The following DRAM1 variants were observed in gnomAD, a reference collection of about 807,000 sequenced individuals.
The protein encoded by DRAM1 is DNA damage regulated autophagy modulator 1.
Under a neutral mutation model 28.5 loss-of-function variants are expected in DRAM1, and 25 were observed. That is an observed-to-expected ratio of 0.88 (90% confidence interval 0.64 to 1.23). The LOEUF is 1.23. Among genes scored for constraint, DRAM1 ranks in the 50% most tolerant of loss-of-function variants. The pLI is 0.00. For missense variants in DRAM1, 249 were observed against 299.2 expected (o/e 0.83, Z 1.24); for synonymous variants, 113 against 114.2 (o/e 0.99, Z 0.07).
At chr12:101,917,129 G>T (rs1167549756) in intron 5 of DRAM1, among the ~76,000 whole-genome samples, 2 of 152,210 alleles carry the variant, frequency 1.3e-5, no homozygotes, top group African/African-American at 4.8e-5. Context: ...TTGTCAAAAA[G>T]TAGTTTCAGT....
At chr12:101,912,658 C>T (rs4764845) in intron 4 of DRAM1, among the ~76,000 whole-genome samples, 37,005 of 151,418 alleles carry the variant, frequency 0.24, 4,691 homozygotes, top group Middle Eastern at 0.38. Flanking sequence ...GCACAATTTG[C>T]GGGGGGTTGG....
At chr12:101,896,312 C>T (rs1873371592) in intron 1 of DRAM1, among the ~76,000 whole-genome samples, 4 of 152,338 alleles carry the variant, frequency 2.6e-5, no homozygotes, top group African/African-American at 4.8e-5. Flanking sequence ...TCATTTTCAA[C>T]GTGATCGGTT....
rs1874527334 is a variant in DRAM1, at chr12:101,922,650, C to T, written c.*1390C>T. ...TATGTTATTAGAACATGTCCGACAC[C>T]CCTACCGCTGCCATTTGGGCCCTTT... is the stretch of plus-strand genomic sequence containing the variant. On this transcript the variant is annotated 3_prime_UTR_variant, in exon 7 of 7. Coordinates refer to ENST00000258534, the MANE Select transcript of DRAM1 (RefSeq NM_018370.3). 1.3e-5 allele frequency: 2 copies of T among 152,184 alleles called. No homozygotes were observed. Among genetic ancestry groups the T allele is most frequent in the Non-Finnish European group, 1.5e-5 (1 of 68,044 alleles). The allele number at this position is 152,184 out of a possible 1,614,324, so 9.4% of individuals were successfully genotyped here.
chr12:101,888,387 T>C (rs1361530865), intron 1 of DRAM1, among the ~76,000 whole-genome samples: 1 of 152,136 alleles, frequency 6.6e-6, no homozygotes, highest in Non-Finnish European at 1.5e-5. Flanking sequence ...CACCTCAGCC[T>C]CCCGAAGTGC....
intron 3 of DRAM1, among the ~76,000 whole-genome samples, chr12:101,906,962 TGGCACA>T (rs1873839062): frequency 6.6e-6 from 1 of 151,746 alleles, no homozygotes; most frequent in Non-Finnish European, 1.5e-5. Context: ...CTGCCTAGAC[TGGCACA>T]GGGGCTGCCT....
chr12:101,897,204 T>C (rs1020519888), intron 1 of DRAM1, among the ~76,000 whole-genome samples: 13 of 94,752 alleles, frequency 1.4e-4, no homozygotes, highest in Non-Finnish European at 2.4e-4. Flanking sequence ...GCGATTTATT[T>C]TTATTTTTTT....
intron 4 of DRAM1, among the ~76,000 whole-genome samples, chr12:101,913,301 C>T (rs970069053): frequency 2.0e-5 from 3 of 152,146 alleles, no homozygotes; most frequent in African/African-American, 7.2e-5. Context: ...CCCAATTACC[C>T]AACAGAAGTC....
chr12:101,909,109 A>T (rs1259640502), intron 4 of DRAM1, among the ~76,000 whole-genome samples: 2 of 152,066 alleles, frequency 1.3e-5, no homozygotes, highest in East Asian at 3.9e-4. Flanking sequence ...TAAAAATACA[A>T]AATTAGTCAG....
chr12:101,916,785 A>C (rs984669747), intron 5 of DRAM1, among the ~76,000 whole-genome samples: 1 of 152,218 alleles, frequency 6.6e-6, no homozygotes, highest in East Asian at 1.9e-4. Flanking sequence ...TCCCTACCAC[A>C]TGCAAGACTG....
At chr12:101,878,764 G>C (rs1872586828) in intron 1 of DRAM1, among the ~76,000 whole-genome samples, 1 of 152,102 alleles carries the variant, frequency 6.6e-6, no homozygotes, top group South Asian at 2.1e-4. Context: ...TGACCCCTCT[G>C]GACAGGCATT....
intron 3 of DRAM1, among the ~76,000 whole-genome samples, chr12:101,904,793 C>T (rs1873742951): frequency 6.6e-6 from 1 of 152,030 alleles, no homozygotes; most frequent in Non-Finnish European, 1.5e-5. Context: ...GTTGTTATTA[C>T]CTTTTAAATT....
intron 4 of DRAM1, among the ~76,000 whole-genome samples, chr12:101,909,270 A>AAAAAAAAAAAAAG (rs1873947828): frequency 6.6e-6 from 1 of 152,072 alleles, no homozygotes. Context: ...TCAAAAAAAA[A>AAAAAAAAAAAAAG]AGTGTAGATC....
intron 5 of DRAM1, among the ~76,000 whole-genome samples, chr12:101,917,147 C>A (rs1477756022): frequency 5.3e-5 from 8 of 152,154 alleles, no homozygotes; most frequent in Admixed American, 5.2e-4. Context: ...AGTAAAACGC[C>A]GAGGTTAGAA....
intron 5 of DRAM1, among the ~76,000 whole-genome samples, chr12:101,917,539 T>A (rs556811416): frequency 0.058 from 8,637 of 148,616 alleles, 803 homozygotes; most frequent in African/African-American, 0.2. Flanking sequence ...AAAAAAAAAA[T>A]TTTTGGTGTA....
At chr12:101,917,656 T>C (rs1326377780) in intron 5 of DRAM1, among the ~76,000 whole-genome samples, 4 of 145,678 alleles carry the variant, frequency 2.7e-5, no homozygotes, top group African/African-American at 7.9e-5. Context: ...ATCATGCCAA[T>C]GCACTCCAGC....
rs1385663705 is a variant in DRAM1, at chr12:101,877,939, G to C, written c.131+19G>C. On this transcript the variant is annotated intron_variant, in intron 1 of 6. Transcript: ENST00000258534. This position sits in a 1 kb window ranked among gnomAD's most constrained non-coding sequence, Gnocchi z 4.1. ...ATATCAGGTGAGTGGCAGGGTGGGC[G>C]TCAGGGCCCCAGGAGCAGGCACAGG... 2 of 1,513,644 alleles carry C rather than the reference G, an allele frequency of 1.3e-6. No homozygotes were observed. The highest frequency in any genetic ancestry group is 4.1e-5 in the Admixed American group (2 of 49,174). The allele number at this position is 1,513,644 out of a possible 1,614,324, so 93.8% of individuals were successfully genotyped here.
At chr12:101,904,175 A>G (rs1240654710) in intron 3 of DRAM1, among the ~76,000 whole-genome samples, 1 of 151,806 alleles carries the variant, frequency 6.6e-6, no homozygotes, top group Non-Finnish European at 1.5e-5. Flanking sequence ...TTTTTTTAGT[A>G]GAGATGGCGT....
chr12:101,902,915 CTT>C (rs113899412), intron 3 of DRAM1, among the ~76,000 whole-genome samples: 8 of 147,964 alleles, frequency 5.4e-5, no homozygotes, highest in South Asian at 2.1e-4. Flanking sequence ...GTGACTGCCT[CTT>C]TTTTTTTTTT....
chr12:101,900,131 T>C (rs1873540768), intron 2 of DRAM1, among the ~76,000 whole-genome samples: 1 of 152,232 alleles, frequency 6.6e-6, no homozygotes, highest in Admixed American at 6.6e-5. Flanking sequence ...TCATGGAGGC[T>C]ACATTTTATT....
Sources: gnomAD v4.1 joint callset for allele counts (sites outside exome capture counted in the v4.1 genomes callset) on GRCh38, gnomAD v4.1.1 for gene constraint, Gnocchi (gnomAD v3.1) non-coding constraint, MANE v1.5 for transcripts, NCBI Gene and HGNC (gene_info 2026-07-23, HGNC 2026-07-21) for gene names.